The following SLC49A4 variants were observed in gnomAD, a reference collection of about 807,000 sequenced individuals.
SLC49A4 encodes disrupted in renal cancer protein 2.
In SLC49A4, 36 loss-of-function variants were observed where a neutral mutation model predicts 50.6. That is an observed-to-expected ratio of 0.71 (90% CI 0.55 to 0.94). The LOEUF is 0.94. Among genes scored for constraint, SLC49A4 ranks in the 40% least tolerant of loss-of-function variants. SLC49A4 has a pLI of 0.00. For synonymous variants in SLC49A4, 248 were observed against 241.2 expected (o/e 1.03, Z -0.26); for missense variants, 503 against 605.7 (o/e 0.83, Z 1.78).
intron 3 of SLC49A4, among the ~76,000 whole-genome samples, chr3:122,830,927 T>G (rs572909153): frequency 6.6e-6 from 1 of 152,136 alleles, no homozygotes; most frequent in African/African-American, 2.4e-5. Context: ...TTCTTACAAC[T>G]CAACAACAGA....
At chr3:122,803,576 A>G (rs1403914805) in intron 1 of SLC49A4, among the ~76,000 whole-genome samples, 2 of 152,220 alleles carry the variant, frequency 1.3e-5, no homozygotes, top group African/African-American at 4.8e-5. Flanking sequence ...ATGAGCAGGG[A>G]AAAGGGGATC....
At chr3:122,875,395 G>A (rs2107585420) in intron 8 of SLC49A4, among the ~76,000 whole-genome samples, 1 of 152,288 alleles carries the variant, frequency 6.6e-6, no homozygotes, top group South Asian at 2.1e-4. Context: ...CTGTCACCCA[G>A]TCTGGAGTAC....
At chr3:122,842,152 GAGTCACTGAAGGATGTTA>G (rs1010840036) in intron 4 of SLC49A4, among the ~76,000 whole-genome samples, 2 of 151,748 alleles carry the variant, frequency 1.3e-5, no homozygotes, top group Admixed American at 6.6e-5. Flanking sequence ...TTTAGGAAAT[GAGTCACTGAAGGATGTTA>G]AGCCAAGAAG....
chr3:122,796,535 C>T (rs1332311737), intron 1 of SLC49A4, among the ~76,000 whole-genome samples: 16 of 152,034 alleles, frequency 1.1e-4, no homozygotes, highest in Admixed American at 9.2e-4. Context: ...GAATCGGTGT[C>T]GGGTGAGGGC....
At chr3:122,797,201 A>G (rs1457945014) in intron 1 of SLC49A4, among the ~76,000 whole-genome samples, 2 of 118,112 alleles carry the variant, frequency 1.7e-5, no homozygotes, top group Non-Finnish European at 4.2e-5. Context: ...CATAGTGTCC[A>G]AAACAAGAAG....
chr3:122,849,806 C>G (rs1226316362), intron 5 of SLC49A4, among the ~76,000 whole-genome samples: 1 of 151,918 alleles, frequency 6.6e-6, no homozygotes, highest in Non-Finnish European at 1.5e-5. Context: ...GTTTCCTTTG[C>G]TGTTCAGAAG....
intron 8 of SLC49A4, among the ~76,000 whole-genome samples, chr3:122,874,445 A>AT (rs1339817398): frequency 6.6e-6 from 1 of 152,172 alleles, no homozygotes. Context: ...CCCATTTCTG[A>AT]TATAATCAAG....
At chr3:122,866,967 G>A (rs550242608) in intron 7 of SLC49A4, among the ~76,000 whole-genome samples, 1 of 152,282 alleles carries the variant, frequency 6.6e-6, no homozygotes, top group East Asian at 1.9e-4. Flanking sequence ...GGTTGCTGGG[G>A]CAGCAGGTGT....
At chr3:122,816,811 G>A (rs1184182110) in intron 2 of SLC49A4, among the ~76,000 whole-genome samples, 5 of 152,184 alleles carry the variant, frequency 3.3e-5, no homozygotes, top group Non-Finnish European at 7.3e-5. Flanking sequence ...ACAGGAAGAA[G>A]CAGAGCAGGG....
chr3:122,872,989 G>T (rs746666280), intron 8 of SLC49A4, among the ~76,000 whole-genome samples: 2 of 151,956 alleles, frequency 1.3e-5, no homozygotes, highest in Non-Finnish European at 2.9e-5. Context: ...CTTAACACAG[G>T]GTGTAAATTA....
At chr3:122,864,841 A>G (rs1376188395) in intron 7 of SLC49A4, among the ~76,000 whole-genome samples, 1 of 152,104 alleles carries the variant, frequency 6.6e-6, no homozygotes, top group Non-Finnish European at 1.5e-5. Flanking sequence ...TAGTGGGGCC[A>G]TGTCCCTACA....
chr3:122,833,277 G>A (rs774061750), intron 3 of SLC49A4, 40 bp from the exon 4 acceptor site: 2 of 1,591,080 alleles, frequency 1.3e-6, no homozygotes, highest in Non-Finnish European at 1.7e-6. Context: ...TCAACTTTTT[G>A]TGTTTCCTGG....
At position 122,826,791 on chromosome 3, in the gene SLC49A4, A is replaced by T. The variant is rs1041050589; in HGVS notation, c.438-9A>T. On this transcript the variant is annotated splice_polypyrimidine_tract_variant and intron_variant, in intron 2 of 8. Transcript: ENST00000261038. The stretch of plus-strand genomic sequence containing the variant: ...AATACCTCACAGCCTTTTAATTTTT[A>T]AATTCCAGATTAATTCATGGAGGAC... 2.5e-5 allele frequency: 40 copies of T among 1,608,060 alleles called. No individual in the cohort carries two copies. The highest frequency in any genetic ancestry group is 2.9e-5 in the Non-Finnish European group (34 of 1,175,244).
chr3:122,868,404 AG>A (rs1255148153), intron 7 of SLC49A4, among the ~76,000 whole-genome samples: 3 of 152,200 alleles, frequency 2.0e-5, no homozygotes, highest in African/African-American at 2.4e-5. Context: ...ATTGAAAGGC[AG>A]TTGATTGTAA....
chr3:122,827,876 G>GT (rs1936555932), intron 3 of SLC49A4, among the ~76,000 whole-genome samples: 1 of 152,228 alleles, frequency 6.6e-6, no homozygotes, highest in South Asian at 2.1e-4. Context: ...CAACAAGAAT[G>GT]TAATAATTAA....
Position 122,797,381 on chromosome 3 carries a change from A to G in SLC49A4, c.343+1846A>G, listed in dbSNP as rs1936058552. Reference sequence around the variant, plus strand: ...TTGTGTGTATCACACTTCAAAAAGAAACTTGAGGCAAGATATAGACTATGT... The same window carrying G: ...TTGTGTGTATCACACTTCAAAAAGAGACTTGAGGCAAGATATAGACTATGT... On this transcript the variant is annotated intron_variant, in intron 1 of 8. Transcript: ENST00000261038. Among the ~76,000 whole-genome samples the G allele has an allele frequency of 2.6e-5, 4 of 152,340 alleles. No individual in the cohort carries two copies. The South Asian group carries it at 8.3e-4, about 32-fold the overall frequency.
chr3:122,813,118 C>T (rs879814165), intron 2 of SLC49A4, among the ~76,000 whole-genome samples: 6 of 151,790 alleles, frequency 4.0e-5, no homozygotes, highest in South Asian at 2.1e-4. Flanking sequence ...GGCGTGGAGG[C>T]GCTTGCCTGT....
intron 4 of SLC49A4, among the ~76,000 whole-genome samples, chr3:122,834,948 T>C (rs1453588463): frequency 6.6e-6 from 1 of 152,044 alleles, no homozygotes; most frequent in African/African-American, 2.4e-5. Context: ...CTAGAAAATC[T>C]AGGGGAAATG....
chr3:122,819,798 T>C (rs1936426007), intron 2 of SLC49A4, among the ~76,000 whole-genome samples: 1 of 151,480 alleles, frequency 6.6e-6, no homozygotes, highest in Admixed American at 6.6e-5. Flanking sequence ...ATTTTCAACA[T>C]CAAAAAAATC....
Sources: gnomAD v4.1 joint callset for allele counts (sites outside exome capture counted in the v4.1 genomes callset) on GRCh38, gnomAD v4.1.1 for gene constraint, MANE v1.5 for transcripts, NCBI Gene and HGNC (gene_info 2026-07-23, HGNC 2026-07-21) for gene names.